The following NINJ2 variants were observed in gnomAD, a reference collection of about 807,000 sequenced individuals.
NINJ2 encodes ninjurin-2.
Under a neutral mutation model 11.7 loss-of-function variants are expected in NINJ2, and 12 were observed. The ratio of observed to expected loss-of-function variants is 1.02; its 90% CI spans 0.66 to 1.66. The LOEUF (loss-of-function observed/expected upper bound fraction) is 1.66. Ranked by LOEUF, NINJ2 falls within the 40% of genes most tolerant of loss-of-function variation. The probability of loss-of-function intolerance (pLI) is 0.00; values close to 1 mark genes in which losing one functional copy is unlikely to be tolerated. For synonymous variants in NINJ2, 93 were observed against 76.8 expected, an observed-to-expected ratio of 1.21 and a Z score of -1.10; for missense variants, 187 against 181.8, an observed-to-expected ratio of 1.03 and a Z score of -0.16.
intron 1 of NINJ2, among the ~76,000 whole-genome samples, chr12:617,383 G>A (rs897829947): frequency 2.0e-5 from 3 of 152,154 alleles, no homozygotes; most frequent in African/African-American, 4.8e-5. Context: ...CCCTGGCCGC[G>A]TGCTGAGAAT....
At chr12:620,159 G>A (rs2120373312) in intron 1 of NINJ2, among the ~76,000 whole-genome samples, 1 of 152,362 alleles carries the variant, frequency 6.6e-6, no homozygotes, top group East Asian at 1.9e-4. Context: ...ATGGGAGTGG[G>A]AAACTGGATG....
At chr12:568,855 G>A (rs888508754) in intron 1 of NINJ2, among the ~76,000 whole-genome samples, 2 of 151,456 alleles carry the variant, frequency 1.3e-5, no homozygotes, top group African/African-American at 2.4e-5. Flanking sequence ...CATGCCAGGC[G>A]GTGCTTGGGG....
chr12:603,287 G>T (rs148646538), intron 1 of NINJ2, among the ~76,000 whole-genome samples: 106 of 152,254 alleles, frequency 7.0e-4, no homozygotes, highest in African/African-American at 2.4e-3. Context: ...TTATTATAAA[G>T]TTGTAAGAGT....
At chr12:629,916 T>TATATATATATATATATATATATATATAC (rs147102413) in intron 1 of NINJ2, among the ~76,000 whole-genome samples, 2 of 72,964 alleles carry the variant, frequency 2.7e-5, no homozygotes, top group Non-Finnish European at 6.0e-5. Context: ...TATATATATA[T>TATATATATATATATATATATATATATAC]ATATATGAAG....
rs1270373616 is a variant in NINJ2, at chr12:583,807, C to T, written c.34-17629G>A. ...AGAACCAGGACAGCGGAGTCGAGAC[C>T]TGGCCCTGCCCCTTCATAGCTGCAT... On this transcript the variant is annotated intron_variant, in intron 1 of 3. Coordinates refer to ENST00000305108, the MANE Select transcript of NINJ2 (RefSeq NM_016533.6). 2.0e-5 allele frequency among the ~76,000 whole-genome samples: 3 copies of T among 152,166 alleles called. No homozygotes were observed. In the East Asian group the frequency reaches 5.8e-4, roughly 29 times the overall value.
chr12:587,986 G>T (rs1947663357), intron 1 of NINJ2, among the ~76,000 whole-genome samples: 1 of 151,924 alleles, frequency 6.6e-6, no homozygotes, highest in Non-Finnish European at 1.5e-5. Context: ...CATGAAGGGA[G>T]GGGACGACCT....
Position 640,620 on chromosome 12 carries a change from G to A in NINJ2, c.33+22708C>T, listed in dbSNP as rs1948406313. 6.6e-6 allele frequency among the ~76,000 whole-genome samples: 1 copy of A among 152,088 alleles called. No individual in the cohort carries two copies. The highest frequency in any genetic ancestry group is 1.5e-5 in the Non-Finnish European group (1 of 68,028). On this transcript the variant is annotated intron_variant, in intron 1 of 3. Coordinates refer to ENST00000305108, the MANE Select transcript of NINJ2 (RefSeq NM_016533.6). The surrounding 1 kb of genome is among the most constrained non-coding windows in gnomAD (Gnocchi z 4.0). ...GCTCACTGCAACCTCAGCCTCTAGG[G>A]TTCAAGTGAGTCTCGTGCCTCAGCA...
intron 1 of NINJ2, among the ~76,000 whole-genome samples, chr12:642,518 G>A (rs992521962): frequency 6.6e-6 from 1 of 152,182 alleles, no homozygotes; most frequent in Admixed American, 6.5e-5. Flanking sequence ...GTGAGCCACC[G>A]CGCCCGGCGC....
chr12:611,921 A>G (rs1253762972), intron 1 of NINJ2, among the ~76,000 whole-genome samples: 1 of 152,248 alleles, frequency 6.6e-6, no homozygotes, highest in Non-Finnish European at 1.5e-5. Flanking sequence ...ATGCATGACC[A>G]CTTAGCTAAA....
chr12:577,448 T>TACATATATATATGTATATATATATGTG, intron 1 of NINJ2, among the ~76,000 whole-genome samples: 1 of 141,944 alleles, frequency 7.0e-6, no homozygotes, highest in African/African-American at 2.6e-5. Context: ...TATATAAATA[T>TACATATATATATGTATATATATATGTG]TTTGGCACGA....
chr12:596,938 A>C (rs1947796078), intron 1 of NINJ2, among the ~76,000 whole-genome samples: 1 of 152,092 alleles, frequency 6.6e-6, no homozygotes, highest in Non-Finnish European at 1.5e-5. Context: ...AAAAACAAAA[A>C]AAAATGGCAG....
At chr12:587,596 T>G (rs1448563588) in intron 1 of NINJ2, among the ~76,000 whole-genome samples, 1 of 152,176 alleles carries the variant, frequency 6.6e-6, no homozygotes, top group Admixed American at 6.5e-5. Context: ...TTTCCTAGTC[T>G]TGGCCCGATG....
intron 1 of NINJ2, among the ~76,000 whole-genome samples, chr12:584,029 T>C (rs1027031743): frequency 3.3e-5 from 5 of 151,700 alleles, no homozygotes; most frequent in African/African-American, 4.9e-5. Context: ...TATCTGTATT[T>C]TCTAATTTTT....
intron 1 of NINJ2, among the ~76,000 whole-genome samples, chr12:569,978 G>GA (rs1296931084): frequency 2.0e-5 from 3 of 152,218 alleles, no homozygotes; most frequent in African/African-American, 7.2e-5. Flanking sequence ...GCTGCCGGGG[G>GA]GCGTTTCCAC....
At chr12:590,598 A>C (rs1327812009) in intron 1 of NINJ2, 1 of 152,336 alleles carries the variant, frequency 6.6e-6, no homozygotes, top group Non-Finnish European at 1.5e-5. Flanking sequence ...GTGGGATTAC[A>C]GCAGTCCGCC....
In NINJ2 at chr12:640,327, T is replaced by A. The variant is rs1238204205; in HGVS notation, c.33+23001A>T. ...ATCCAAAGTCCTTGTTTTACAAATG[T>A]GGCAACTGAAGCTTTAAAAAAAAGG... On this transcript the variant is annotated intron_variant, in intron 1 of 3. Transcript: ENST00000305108. The surrounding 1 kb of genome is among the most constrained non-coding windows in gnomAD (Gnocchi z 4.0). Among the ~76,000 whole-genome samples the A allele has an allele frequency of 6.6e-6, 1 of 152,218 alleles. No individual in the cohort carries two copies. Among genetic ancestry groups the A allele is most frequent in the African/African-American group, 2.4e-5 (1 of 41,454 alleles).
intron 1 of NINJ2, among the ~76,000 whole-genome samples, chr12:653,214 G>A (rs181110364): frequency 1.1e-4 from 17 of 151,580 alleles, no homozygotes; most frequent in Non-Finnish European, 2.2e-4. Flanking sequence ...TAGAGACGAG[G>A]TTTCACCTTG....
intron 1 of NINJ2, among the ~76,000 whole-genome samples, chr12:627,540 G>A (rs1231631706): frequency 6.6e-6 from 1 of 152,190 alleles, no homozygotes; most frequent in Non-Finnish European, 1.5e-5. Context: ...TGGATAAAGT[G>A]AAGCAAGGAA....
At chr12:582,290 GACGC>G (rs1202083438) in intron 1 of NINJ2, among the ~76,000 whole-genome samples, 2 of 104,176 alleles carry the variant, frequency 1.9e-5, no homozygotes, top group Admixed American at 2.0e-4. Context: ...TGAATGAATG[GACGC>G]AGGCAGGCAG....
Sources: gnomAD v4.1 joint callset for allele counts (sites outside exome capture counted in the v4.1 genomes callset) on GRCh38, gnomAD v4.1.1 for gene constraint, Gnocchi (gnomAD v3.1) non-coding constraint, MANE v1.5 for transcripts, NCBI Gene and HGNC (gene_info 2026-07-23, HGNC 2026-07-21) for gene names.